SMYD3: variants seen among roughly 807,000 people sequenced by gnomAD.
The protein encoded by SMYD3 is histone-lysine N-methyltransferase SMYD3.
SMYD3 carries 36 observed loss-of-function variants against 57.7 expected under a neutral mutation model. That is an observed-to-expected ratio of 0.62 (90% CI 0.48 to 0.82). The LOEUF (loss-of-function observed/expected upper bound fraction) is 0.82, where lower values mean the gene tolerates loss of function less well. Ranked by LOEUF, SMYD3 falls within the 40% of genes least tolerant of loss-of-function variation. The pLI, the probability that SMYD3 is intolerant of heterozygous loss-of-function variation, is 0.00. For missense variants in SMYD3, 515 were observed against 538.8 expected (o/e 0.96, Z 0.44); for synonymous variants, 211 against 195.0 (o/e 1.08, Z -0.68).
At chr1:246,039,758 G>A (rs887877837) in intron 5 of SMYD3, among the ~76,000 whole-genome samples, 1 of 152,186 alleles carries the variant, frequency 6.6e-6, no homozygotes, top group African/African-American at 2.4e-5. Context: ...GCCGTGGAGA[G>A]GCGTTTTCTC....
intron 5 of SMYD3, among the ~76,000 whole-genome samples, chr1:246,169,898 T>C (rs1161041844): frequency 6.8e-6 from 1 of 146,154 alleles, no homozygotes; most frequent in Non-Finnish European, 1.5e-5. Flanking sequence ...AGCAAGACTC[T>C]GCCAAAAAAA....
At chr1:246,372,775 G>A (rs1320878273) in intron 1 of SMYD3, among the ~76,000 whole-genome samples, 1 of 152,202 alleles carries the variant, frequency 6.6e-6, no homozygotes, top group African/African-American at 2.4e-5. Flanking sequence ...CGGGTCACCT[G>A]AGGTCAGGAG....
intron 5 of SMYD3, among the ~76,000 whole-genome samples, chr1:246,282,096 G>A (rs2064454914): frequency 6.6e-6 from 1 of 151,996 alleles, no homozygotes. Flanking sequence ...GTCCAAATAT[G>A]TATACTTTAC....
intron 3 of SMYD3, among the ~76,000 whole-genome samples, chr1:246,333,694 T>A (rs990361147): frequency 6.6e-6 from 1 of 151,558 alleles, no homozygotes; most frequent in Non-Finnish European, 1.5e-5. Context: ...GGAAACATGA[T>A]GAAACTTCGT....
intron 7 of SMYD3, among the ~76,000 whole-genome samples, chr1:245,921,570 T>TATATATATAC (rs1231534223): frequency 6.8e-6 from 1 of 147,898 alleles, no homozygotes; most frequent in African/African-American, 2.5e-5. Context: ...TATATATATA[T>TATATATATAC]ACACATACCA....
At chr1:245,825,137 G>A (rs751828050) in intron 10 of SMYD3, among the ~76,000 whole-genome samples, 2 of 152,134 alleles carry the variant, frequency 1.3e-5, no homozygotes, top group African/African-American at 4.8e-5. Flanking sequence ...ACCCAGACAC[G>A]TGAGAATGCA....
chr1:246,507,001 C>CCCCCCCCA, intron 1 of SMYD3, 53 bp downstream of exon 1: 1 of 1,159,194 alleles, frequency 8.6e-7, no homozygotes, highest in Non-Finnish European at 1.2e-6. Context: ...CCCCCCCTCC[C>CCCCCCCCA]CAGCACCCCA....
intron 5 of SMYD3, among the ~76,000 whole-genome samples, chr1:246,168,208 T>C (rs913435928): frequency 6.6e-6 from 1 of 152,158 alleles, no homozygotes; most frequent in Admixed American, 6.5e-5. Context: ...ATGTGACACA[T>C]AGAAAAGCTA....
chr1:246,004,051 G>A (rs1558575466), intron 5 of SMYD3, among the ~76,000 whole-genome samples: 1 of 57,196 alleles, frequency 1.7e-5, no homozygotes, highest in Non-Finnish European at 8.4e-5. Context: ...ACTTACTAAG[G>A]GGCCTTCTCA....
At chr1:245,861,347 A>G (rs948470435) in intron 9 of SMYD3, among the ~76,000 whole-genome samples, 3 of 152,274 alleles carry the variant, frequency 2.0e-5, no homozygotes, top group South Asian at 2.1e-4. Context: ...GACAGAACGG[A>G]TATCTTTTTT....
intron 1 of SMYD3, among the ~76,000 whole-genome samples, chr1:246,445,007 G>T (rs1004032469): frequency 6.6e-6 from 1 of 152,274 alleles, no homozygotes; most frequent in Middle Eastern, 3.4e-3. Flanking sequence ...TCTCCTTGGG[G>T]CTTTGTTCCC....
chr1:246,120,432 G>T (rs962465994), intron 5 of SMYD3, among the ~76,000 whole-genome samples: 14 of 151,952 alleles, frequency 9.2e-5, no homozygotes, highest in African/African-American at 3.4e-4. Context: ...TAAACTCAAG[G>T]GTCGCTTCCC....
chr1:245,982,487 C>T (rs1412769456), intron 5 of SMYD3, among the ~76,000 whole-genome samples: 1 of 152,164 alleles, frequency 6.6e-6, no homozygotes, highest in East Asian at 1.9e-4. Flanking sequence ...AAATGTGAAA[C>T]AATCAAAATG....
intron 5 of SMYD3, among the ~76,000 whole-genome samples, chr1:246,274,380 G>C (rs1212298439): frequency 6.6e-6 from 1 of 152,010 alleles, no homozygotes; most frequent in Non-Finnish European, 1.5e-5. Context: ...GATTTTTATA[G>C]AAAGAACACA....
intron 5 of SMYD3, among the ~76,000 whole-genome samples, chr1:246,164,760 G>C (rs2062178062): frequency 6.6e-6 from 1 of 152,188 alleles, no homozygotes; most frequent in South Asian, 2.1e-4. Context: ...TCTTGTGATG[G>C]GTGACAAATG....
chr1:245,909,783 C>A (rs1282432317), intron 8 of SMYD3, among the ~76,000 whole-genome samples: 1 of 151,932 alleles, frequency 6.6e-6, no homozygotes, highest in Admixed American at 6.6e-5. Context: ...TGAAAAAAAT[C>A]TTAACAAACT....
At chr1:246,258,414 G>A (rs951575308) in intron 5 of SMYD3, among the ~76,000 whole-genome samples, 12 of 152,132 alleles carry the variant, frequency 7.9e-5, no homozygotes, top group African/African-American at 1.2e-4. Context: ...TGGTCTAGTG[G>A]TAACAAATTC....
chr1:245,760,157 G>A (rs1382765747), intron 11 of SMYD3, among the ~76,000 whole-genome samples: 1 of 152,194 alleles, frequency 6.6e-6, no homozygotes. Flanking sequence ...CTTTCCTGGA[G>A]GAGGCTGGAG....
At chr1:246,138,943 C>T (rs1029851006) in intron 5 of SMYD3, among the ~76,000 whole-genome samples, 1 of 152,118 alleles carries the variant, frequency 6.6e-6, no homozygotes, top group Non-Finnish European at 1.5e-5. Flanking sequence ...GGGACAGAGC[C>T]TTCACAATCA....
Sources: allele counts gnomAD v4.1 joint callset (sites outside exome capture counted in the v4.1 genomes callset), GRCh38; gene constraint gnomAD v4.1.1; transcripts MANE v1.5; gene names NCBI Gene and HGNC (gene_info 2026-07-23, HGNC 2026-07-21).